The following DET1 variants were observed in gnomAD, a reference collection of about 807,000 sequenced individuals.
The protein encoded by DET1 is DET1 partner of COP1 E3 ubiquitin ligase, also known as DET1 homolog.
A neutral mutation model predicts 43.7 loss-of-function variants in DET1; 22 were observed. The ratio of observed to expected loss-of-function variants is 0.50; its 90% CI spans 0.36 to 0.72. The LOEUF (loss-of-function observed/expected upper bound fraction) is 0.72, where lower values mean the gene tolerates loss of function less well. Ranked by LOEUF, DET1 falls within the 30% of genes least tolerant of loss-of-function variation. The probability of loss-of-function intolerance (pLI) is 0.00; values close to 1 mark genes in which losing one functional copy is unlikely to be tolerated. For synonymous variants in DET1, 315 were observed against 266.2 expected (o/e 1.18, Z -1.79); for missense variants, 713 against 713.3 (o/e 1.00, Z 0.00).
intron 3 of DET1, among the ~76,000 whole-genome samples, chr15:88,518,624 A>G (rs2056410444): frequency 6.6e-6 from 1 of 152,184 alleles, no homozygotes; most frequent in Admixed American, 6.5e-5. Context: ...AAGAATGTCA[A>G]CTGTCTATCA....
Position 88,527,743 on chromosome 15 carries a change from A to G in DET1, c.1127T>C (p.Ile376Thr), listed in dbSNP as rs758788099. The change falls in exon 3 of 5, where the codon ATT (isoleucine) becomes ACT (threonine). Residue 376 changes from isoleucine (I) to threonine (T), a missense_variant. By Grantham distance (89) the Ile-to-Thr change is moderately conservative (BLOSUM62 -1). Coordinates refer to ENST00000268148, the MANE Select transcript of DET1 (RefSeq NM_001144074.3). ...ATCTGATGTATTCTCAAACACAGCA[A>G]TCACCTCTGTCGTCACCATATTGTA... is the stretch of plus-strand genomic sequence containing the variant. ...VVYNMVTTEV[I>T]AVFENTSDEL... The G allele has an allele frequency of 5.0e-6, 8 of 1,613,282 alleles. No homozygotes were observed. The highest frequency in any genetic ancestry group is 6.8e-6 in the Non-Finnish European group (8 of 1,179,636).
chr15:88,513,130 G>T lies in DET1; in HGVS notation c.1474C>A (p.Arg492=), dbSNP rs777263695. The T allele has an allele frequency of 2.5e-5, 40 of 1,609,748 alleles. No homozygotes were observed. Among genetic ancestry groups the T allele is most frequent in the Non-Finnish European group, 3.4e-5 (40 of 1,177,720 alleles). Residue 492 remains arginine (R), a synonymous_variant, in exon 5 of 5, where the codon CGG becomes AGG. Coordinates refer to ENST00000268148, the MANE Select transcript of DET1 (RefSeq NM_001144074.3). ...CGDHPIRFYA[R]DSGLLKFEIQ... ...TCAAACTTGAGCAGGCCCGAGTCCC[G>T]GGCATAGAACCTAAAAAGAACAAGG...
chr15:88,537,453 G>A (rs1470070307), intron 1 of DET1, among the ~76,000 whole-genome samples: 2 of 152,092 alleles, frequency 1.3e-5, no homozygotes, highest in African/African-American at 2.4e-5. Context: ...TTTCTGCCTT[G>A]ATCTCCCAAA....
chr15:88,510,759 GTT>G (rs796792971), downstream of DET1, among the ~76,000 whole-genome samples: 785 of 135,614 alleles, frequency 5.8e-3, 10 homozygotes, highest in African/African-American at 0.02. Flanking sequence ...TTGTTGTTTT[GTT>G]TTTTTTTTTG....
intron 8 of DET1, chr15:88,503,648 G>A (rs2056110098): frequency 6.6e-6 from 1 of 152,162 alleles, no homozygotes; most frequent in Admixed American, 6.5e-5. Flanking sequence ...CTTTATTTAT[G>A]TATGTGTTGG....
At chr15:88,529,596 G>T (rs955524808) in intron 2 of DET1, among the ~76,000 whole-genome samples, 2 of 152,210 alleles carry the variant, frequency 1.3e-5, no homozygotes, top group African/African-American at 4.8e-5. Flanking sequence ...AGCTGGTGAG[G>T]TTTTAGGACA....
downstream of DET1, among the ~76,000 whole-genome samples, chr15:88,511,031 C>T (rs2056194719): frequency 6.6e-6 from 1 of 152,132 alleles, no homozygotes; most frequent in African/African-American, 2.4e-5. Context: ...CTCAGCCTCC[C>T]AAAGTGCTGG....
rs1210263528 is a variant in DET1 at position 88,516,094 on chromosome 15, C to G, written c.1463+688G>C. ...CATAAAGATCTAACTACCACTGTTT[C>G]TGTGTGAAAAAGACCTTCCAAGCTC... On this transcript the variant is annotated intron_variant, in intron 4 of 4. Coordinates refer to ENST00000268148, the MANE Select transcript of DET1 (RefSeq NM_001144074.3). The surrounding 1 kb of genome is among the most constrained non-coding windows in gnomAD (Gnocchi z 4.4). Among the ~76,000 whole-genome samples, 1 of 152,112 alleles carries G rather than the reference C, an allele frequency of 6.6e-6. No homozygotes were observed. The highest frequency in any genetic ancestry group is 1.5e-5 in the Non-Finnish European group (1 of 68,006).
intron 3 of DET1, among the ~76,000 whole-genome samples, chr15:88,521,818 T>C (rs1047655016): frequency 1.3e-5 from 2 of 152,186 alleles, no homozygotes; most frequent in East Asian, 1.9e-4. Context: ...GTTTTCACAA[T>C]GTTCTCTTTA....
chr15:88,525,793 C>T (rs2142293164), intron 3 of DET1, among the ~76,000 whole-genome samples: 1 of 149,468 alleles, frequency 6.7e-6, no homozygotes, highest in East Asian at 2.0e-4. Flanking sequence ...TCCCTAGTAG[C>T]TGGGACTACA....
At chr15:88,540,463 TAAA>T (rs531746270) in intron 1 of DET1, among the ~76,000 whole-genome samples, 1 of 136,710 alleles carries the variant, frequency 7.3e-6, no homozygotes, top group Non-Finnish European at 1.6e-5. Context: ...AATTGCCTTC[TAAA>T]AAAAAAAAAA....
chr15:88,506,984 G>T (rs1292844701), intron 7 of DET1, among the ~76,000 whole-genome samples: 3 of 152,230 alleles, frequency 2.0e-5, no homozygotes, highest in Non-Finnish European at 1.5e-5. Flanking sequence ...TTTGTGGAGA[G>T]AAGACACTAG....
chr15:88,502,345 C>G (rs2142240462), intron 8 of DET1: 1 of 152,260 alleles, frequency 6.6e-6, no homozygotes, highest in East Asian at 1.9e-4. Flanking sequence ...TATGGCCCCT[C>G]TCTATTCTTT....
intron 3 of DET1, among the ~76,000 whole-genome samples, chr15:88,524,700 G>A (rs919881354): frequency 2.0e-5 from 3 of 152,114 alleles, no homozygotes; most frequent in Non-Finnish European, 2.9e-5. Flanking sequence ...AGGGTTAAAT[G>A]GATTAAGGGC....
chr15:88,531,413 T>C lies in DET1; in HGVS notation c.293A>G (p.Gln98Arg). Residue 98 changes from glutamine (Q) to arginine (R), a missense_variant, in exon 2 of 5, where the codon CAG becomes CGG. Gln to Arg is a conservative substitution (Grantham distance 43, BLOSUM62 1). Transcript: ENST00000268148. This position sits in a 1 kb window ranked among gnomAD's most constrained non-coding sequence, Gnocchi z 6.2. ...QGCQAAEDLL[Q>R]GYEGEILSNG... ...GGACAGGATTTCTCCTTCGTATCCCTGCAGTAGGTCCTCTGCTGCCTGGCA... is the reference window on the plus strand; with the variant it reads ...GGACAGGATTTCTCCTTCGTATCCCCGCAGTAGGTCCTCTGCTGCCTGGCA... 2 of 1,614,058 alleles carry C rather than the reference T, an allele frequency of 1.2e-6. No homozygotes were observed. Among genetic ancestry groups the C allele is most frequent in the Non-Finnish European group, 1.7e-6 (2 of 1,179,902 alleles).
At chr15:88,542,543 C>T (rs116087274) in intron 1 of DET1, among the ~76,000 whole-genome samples, 3,379 of 152,206 alleles carry the variant, frequency 0.022, 97 homozygotes, top group African/African-American at 0.077. Context: ...GCTCAGGCAG[C>T]CCTGGACATT....
intron 7 of DET1, among the ~76,000 whole-genome samples, chr15:88,506,558 A>G (rs1470122699): frequency 1.1e-5 from 1 of 87,590 alleles, no homozygotes; most frequent in East Asian, 3.6e-4. Flanking sequence ...CAAAGCATGC[A>G]TTGCAGAGAA....
rs915691877 is a variant in DET1, at chr15:88,535,269, G to A, written c.-10-3554C>T. On this transcript the variant is annotated intron_variant, in intron 1 of 4. Coordinates refer to ENST00000268148, the MANE Select transcript of DET1 (RefSeq NM_001144074.3). Reference sequence around the variant, plus strand: ...CTGATGGGCTCAAGGGCAGAATGAAGTCATCAGAGAAATGAGTCAGTCACC... The same window carrying A: ...CTGATGGGCTCAAGGGCAGAATGAAATCATCAGAGAAATGAGTCAGTCACC... 2.0e-5 allele frequency among the ~76,000 whole-genome samples: 3 copies of A among 152,088 alleles called. No homozygotes were observed. In the East Asian group the frequency reaches 5.8e-4, roughly 29 times the overall value.
At chr15:88,543,118 C>T (rs1051550506) in intron 1 of DET1, among the ~76,000 whole-genome samples, 1 of 152,188 alleles carries the variant, frequency 6.6e-6, no homozygotes, top group African/African-American at 2.4e-5. Flanking sequence ...TGCTTTAGGC[C>T]TCCCAGATAC....
Sources: gnomAD v4.1 joint callset for allele counts (sites outside exome capture counted in the v4.1 genomes callset) on GRCh38, gnomAD v4.1.1 for gene constraint, Gnocchi (gnomAD v3.1) non-coding constraint, MANE v1.5 for transcripts, NCBI Gene and HGNC (gene_info 2026-07-23, HGNC 2026-07-21) for gene names.